MATK: variants seen among roughly 807,000 people sequenced by gnomAD.
MATK encodes the protein megakaryocyte-associated tyrosine kinase.
MATK carries 41 observed loss-of-function variants against 59.8 expected under a neutral mutation model. The observed-to-expected ratio is 0.69, with a 90% CI of 0.53 to 0.89. MATK has a LOEUF of 0.89. MATK is among the 40% of genes least tolerant of loss of function. The probability of loss-of-function intolerance (pLI) is 0.00; values close to 1 mark genes in which losing one functional copy is unlikely to be tolerated. For missense variants in MATK, 593 were observed against 719.6 expected, an observed-to-expected ratio of 0.82 and a Z score of 2.01; for synonymous variants, 308 against 306.1, an observed-to-expected ratio of 1.01 and a Z score of -0.06.
chr19:3,789,215 G>C (rs1473515714), upstream of MATK: 1 of 744,002 alleles, frequency 1.3e-6, no homozygotes, highest in African/African-American at 1.7e-5. Flanking sequence ...GCCTGAACTA[G>C]AAGTGTTAAG....
chr19:3,796,345 C>A (rs551771986), intron 1 of MATK, among the ~76,000 whole-genome samples: 46 of 152,170 alleles, frequency 3.0e-4, no homozygotes, highest in African/African-American at 9.6e-4. Flanking sequence ...TTTACACATC[C>A]CTTGATTTAT....
chr19:3,785,380 C>T, intron 1 of MATK, 94 bp from the exon 2 acceptor site: 1 of 856,126 alleles, frequency 1.2e-6, no homozygotes, highest in Non-Finnish European at 1.7e-6. Flanking sequence ...GGGGCAGGGG[C>T]GGGTCCTGTA....
upstream of MATK, among the ~76,000 whole-genome samples, chr19:3,788,275 G>C (rs56313028): frequency 6.6e-6 from 1 of 151,308 alleles, no homozygotes; most frequent in Non-Finnish European, 1.5e-5. Flanking sequence ...GATCACCTGA[G>C]GTCAGGAGTT....
intron 8 of MATK, among the ~76,000 whole-genome samples, chr19:3,781,363 C>A (rs1043027627): frequency 6.6e-6 from 1 of 152,128 alleles, no homozygotes; most frequent in Non-Finnish European, 1.5e-5. Flanking sequence ...CCATACAAGA[C>A]CCTGGCAGTG....
chr19:3,778,256 C>T lies in MATK; in HGVS notation c.1451G>A (p.Ser484Asn), dbSNP rs750290757. 1 of 1,574,122 alleles carries T rather than the reference C, an allele frequency of 6.4e-7. No individual in the cohort carries two copies. The highest frequency in any genetic ancestry group is 8.6e-7 in the Non-Finnish European group (1 of 1,168,104). The stretch of plus-strand genomic sequence containing the variant: ...TGAGACGGAGGCTGGGGCACCTGCA[C>T]TGCGTAGCTCCCGGGCCAGCTTCTC... ...LAEKLARELRSAGAPASVSGQ... is the reference protein window; with the variant it reads ...LAEKLARELRNAGAPASVSGQ... Residue 484 changes from serine to asparagine, a missense_variant, in exon 14 of 14, where the codon AGT becomes AAT. Coordinates refer to ENST00000310132, the MANE Select transcript of MATK (RefSeq NM_139355.3).
At chr19:3,784,681 C>A (rs1225129995) in intron 3 of MATK, 144 bp downstream of exon 3, 9 of 722,362 alleles carry the variant, frequency 1.2e-5, no homozygotes, top group Admixed American at 2.2e-5. Flanking sequence ...GGTCAGGAAG[C>A]CAAGATGACT....
chr19:3,785,417 G>T, intron 1 of MATK, 131 bp from the exon 2 acceptor site: 1 of 562,996 alleles, frequency 1.8e-6, no homozygotes, highest in Non-Finnish European at 3.1e-6. Context: ...CCGGCCACCC[G>T]CTGAGCCTCT....
At position 3,778,076 on chromosome 19, in the gene MATK, A is replaced by T; in HGVS notation, c.*107T>A. The T allele has an allele frequency of 6.9e-7, 1 of 1,455,254 alleles. No homozygotes were observed. 90.1% of individuals were successfully genotyped at this position (1,455,254 alleles called of 1,614,324 possible). ...TGGGCCAGCCCCTGCTGTGGGCACC[A>T]GGAGGATGACTTGCCCGCCTGGACC... On this transcript the variant is annotated 3_prime_UTR_variant, in exon 14 of 14. Transcript: ENST00000310132.
At chr19:3,791,337 T>A (rs2037539208), upstream of MATK, among the ~76,000 whole-genome samples, 1 of 149,610 alleles carries the variant, frequency 6.7e-6, no homozygotes, top group Non-Finnish European at 1.5e-5. Flanking sequence ...CAGTCATCTC[T>A]CCACCTCCCC....
At chr19:3,784,803 G>A (rs897772387) in intron 3 of MATK, 22 bp downstream of exon 3, 3 of 1,546,564 alleles carry the variant, frequency 1.9e-6, no homozygotes, top group East Asian at 4.9e-5. Flanking sequence ...GGGAGCAGAG[G>A]AAGCAGGCTA....
intron 8 of MATK, among the ~76,000 whole-genome samples, 181 bp from the exon 9 acceptor site, chr19:3,779,978 C>A (rs1212418323): frequency 6.6e-6 from 1 of 152,188 alleles, no homozygotes; most frequent in Non-Finnish European, 1.5e-5. Flanking sequence ...AGCTCCAGAC[C>A]CAAGATCAGA....
chr19:3,786,918 A>G (rs1348314963), upstream of MATK, among the ~76,000 whole-genome samples: 1 of 151,872 alleles, frequency 6.6e-6, no homozygotes, highest in Admixed American at 6.6e-5. The surrounding 1 kb of genome is among the most constrained non-coding windows in gnomAD (Gnocchi z 4.1). Flanking sequence ...AGTTGGAGGG[A>G]CCTGGCTCTG....
intron 1 of MATK, among the ~76,000 whole-genome samples, chr19:3,795,521 G>A (rs2037585826): frequency 1.3e-5 from 2 of 152,016 alleles, no homozygotes. Context: ...GCCCACTTTG[G>A]CCTCCCAAAG....
chr19:3,784,797 GC>G, intron 3 of MATK, 27 bp downstream of exon 3: 1 of 1,536,626 alleles, frequency 6.5e-7, no homozygotes. Flanking sequence ...GACCCGGGGA[GC>G]AGAGGAAGCA....
chr19:3,790,546 G>A (rs2037530910), upstream of MATK, among the ~76,000 whole-genome samples: 2 of 152,138 alleles, frequency 1.3e-5, no homozygotes. Flanking sequence ...AGCCTAAAAT[G>A]CTCAGCCTGG....
upstream of MATK, among the ~76,000 whole-genome samples, chr19:3,788,541 C>T (rs141126503): frequency 8.6e-3 from 1,272 of 148,746 alleles, 17 homozygotes; most frequent in African/African-American, 0.03. Context: ...ATTGCTTGAA[C>T]CTGGGAGGCG....
At chr19:3,778,786 T>C (rs1284215300) in intron 12 of MATK, among the ~76,000 whole-genome samples, 191 bp from the exon 13 acceptor site, 1 of 152,188 alleles carries the variant, frequency 6.6e-6, no homozygotes, top group African/African-American at 2.4e-5. Flanking sequence ...TATTCTTCCC[T>C]TCAGTCCTGA....
chr19:3,783,771 T>C, intron 6 of MATK, 43 bp downstream of exon 6: 2 of 1,569,784 alleles, frequency 1.3e-6, no homozygotes, highest in Non-Finnish European at 1.7e-6. Flanking sequence ...GTCCCTGGGC[T>C]GCCCCACTGC....
In MATK at chr19:3,796,771, T is replaced by C. The variant is rs1329354879; in HGVS notation, c.-58+4761A>G. 2.0e-5 allele frequency among the ~76,000 whole-genome samples: 3 copies of C among 152,164 alleles called. No homozygotes were observed. In the East Asian group the frequency reaches 5.8e-4, roughly 29 times the overall value. On this transcript the variant is annotated intron_variant, in intron 1 of 13. Coordinates refer to the MATK transcript ENST00000395045. ...TTGGTTTGGTCCCTTGTTTTAGGAA[T>C]GTGCTCCCCCTAGGGTTTCCAGAGA... is the stretch of plus-strand genomic sequence containing the variant.
Sources: allele counts gnomAD v4.1 joint callset (sites outside exome capture counted in the v4.1 genomes callset), GRCh38; gene constraint gnomAD v4.1.1; non-coding constraint Gnocchi (gnomAD v3.1); transcripts MANE v1.5; gene names NCBI Gene and HGNC (gene_info 2026-07-23, HGNC 2026-07-21).